The following SLC35F4 variants were observed in gnomAD, a reference collection of about 807,000 sequenced individuals.
The protein encoded by SLC35F4 is solute carrier family 35 member F4.
Under a neutral mutation model 44.2 loss-of-function variants are expected in SLC35F4, and 24 were observed. That is an observed-to-expected ratio of 0.54 (90% CI 0.39 to 0.76). SLC35F4 has a LOEUF of 0.76. SLC35F4 is among the 30% of genes least tolerant of loss of function. The probability of loss-of-function intolerance (pLI) is 0.00; values close to 1 mark genes in which losing one functional copy is unlikely to be tolerated. For synonymous variants in SLC35F4, 238 were observed against 223.6 expected (o/e 1.06, Z -0.57); for missense variants, 562 against 586.1 (o/e 0.96, Z 0.42).
At position 57,945,628 on chromosome 14, in the gene SLC35F4, G is replaced by A. The variant is rs1292846313; in HGVS notation, n.282+36285C>T. Among the ~76,000 whole-genome samples the A allele has an allele frequency of 2.6e-5, 4 of 151,968 alleles. No homozygotes were observed. The East Asian group carries it at 5.8e-4, about 22-fold the overall frequency. On this transcript the variant is annotated intron_variant and non_coding_transcript_variant, in intron 1 of 1. Coordinates refer to the SLC35F4 transcript ENST00000556568. ...CATGTAATGACTTCTTTTCCCCTGGGTAGATACCCAGTAGTGGGATTGCTG... is the reference window on the plus strand; with the variant it reads ...CATGTAATGACTTCTTTTCCCCTGGATAGATACCCAGTAGTGGGATTGCTG...
chr14:57,776,437 C>T (rs767819509), intron 1 of SLC35F4, among the ~76,000 whole-genome samples: 12 of 151,878 alleles, frequency 7.9e-5, no homozygotes, highest in Non-Finnish European at 1.0e-4. Flanking sequence ...TGGGAGGCCA[C>T]GGGCGGATCA....
intron 1 of SLC35F4, among the ~76,000 whole-genome samples, chr14:57,947,485 G>A (rs1890057807): frequency 6.6e-6 from 1 of 152,224 alleles, no homozygotes; most frequent in South Asian, 2.1e-4. Context: ...AACAGCAACA[G>A]TTTGACTTCC....
rs1393353116 is a variant in SLC35F4 at position 57,865,746 on chromosome 14, T to A, written c.80A>T (p.Tyr27Phe). The A allele has an allele frequency of 6.6e-6, 10 of 1,522,846 alleles. No individual in the cohort carries two copies. The highest frequency in any genetic ancestry group is 8.8e-6 in the Non-Finnish European group (10 of 1,141,468). The allele number at this position is 1,522,846 out of a possible 1,614,324, so 94.3% of individuals were successfully genotyped here. The change falls in exon 1 of 8, where the codon TAT becomes TTT. Residue 27 changes from tyrosine to phenylalanine, a missense_variant. By Grantham distance (22) the Tyr-to-Phe change is conservative. Transcript: ENST00000556826. Reference protein sequence around the residue: ...ILRITGYYGYYPGYSSQKSTS... With the variant: ...ILRITGYYGYFPGYSSQKSTS... ...ACTTTTCTGGCTGGAGTAACCTGGA[T>A]AATAGCCATAGTAGCCGGTGATCCG...
intron 1 of SLC35F4, among the ~76,000 whole-genome samples, chr14:57,718,697 T>G (rs1178268167): frequency 1.3e-5 from 2 of 152,186 alleles, no homozygotes; most frequent in African/African-American, 4.8e-5. Context: ...ATTATTAGAT[T>G]TTTTCCTATA....
chr14:57,796,631 T>C (rs1379944649), intron 1 of SLC35F4, among the ~76,000 whole-genome samples: 1 of 152,234 alleles, frequency 6.6e-6, no homozygotes, highest in African/African-American at 2.4e-5. Flanking sequence ...CATTGAATTT[T>C]AGTTCTTCCT....
chr14:57,658,232 A>G (rs1441793409), intron 1 of SLC35F4, among the ~76,000 whole-genome samples: 2 of 152,208 alleles, frequency 1.3e-5, no homozygotes, highest in African/African-American at 4.8e-5. Context: ...TAAACAGAAC[A>G]TTGATACTAT....
chr14:57,868,356 C>A (rs1366527841), upstream of SLC35F4, among the ~76,000 whole-genome samples: 5 of 151,976 alleles, frequency 3.3e-5, no homozygotes. Context: ...GATAAACAGT[C>A]AAAGGTAAAT....
At chr14:57,577,977 G>A (rs1031847749) in intron 4 of SLC35F4, among the ~76,000 whole-genome samples, 1 of 152,108 alleles carries the variant, frequency 6.6e-6, no homozygotes, top group African/African-American at 2.4e-5. Context: ...CTTTCCATCT[G>A]TAATTCAGTG....
intron 1 of SLC35F4, among the ~76,000 whole-genome samples, chr14:57,668,884 G>T (rs1236367965): frequency 3.3e-5 from 5 of 152,092 alleles, no homozygotes; most frequent in Non-Finnish European, 7.3e-5. Flanking sequence ...TTGGTAGCTT[G>T]ATGGGGATGG....
chr14:57,573,186 C>T (rs998727517), intron 4 of SLC35F4, among the ~76,000 whole-genome samples: 10 of 152,246 alleles, frequency 6.6e-5, no homozygotes, highest in Non-Finnish European at 1.3e-4. Context: ...TCGCTTGAGG[C>T]CACTGCAAAG....
intron 1 of SLC35F4, among the ~76,000 whole-genome samples, chr14:57,676,578 T>A (rs1440751494): frequency 6.6e-6 from 1 of 152,046 alleles, no homozygotes; most frequent in Non-Finnish European, 1.5e-5. Context: ...GAACTTAAAA[T>A]TAATTTTTTT....
intron 1 of SLC35F4, among the ~76,000 whole-genome samples, chr14:57,611,770 G>C (rs141450476): frequency 6.6e-6 from 1 of 152,162 alleles, no homozygotes; most frequent in East Asian, 1.9e-4. Context: ...ATGGAGGCAG[G>C]GGTTTGAGAA....
At chr14:57,964,974 GAAAAAAAA>G (rs72495990) in intron 1 of SLC35F4, among the ~76,000 whole-genome samples, 12 of 119,008 alleles carry the variant, frequency 1.0e-4, no homozygotes, top group South Asian at 2.7e-4. Flanking sequence ...TCCCATGGGG[GAAAAAAAA>G]AAAAAAAAAA....
intron 1 of SLC35F4, among the ~76,000 whole-genome samples, chr14:57,846,315 T>C (rs760601104): frequency 6.6e-6 from 1 of 152,184 alleles, no homozygotes; most frequent in Non-Finnish European, 1.5e-5. Flanking sequence ...CCATGAGTCA[T>C]AAACCCAGTG....
intron 1 of SLC35F4, among the ~76,000 whole-genome samples, chr14:57,883,365 C>A (rs185492336): frequency 2.2e-3 from 338 of 152,236 alleles, no homozygotes; most frequent in African/African-American, 7.8e-3. Context: ...ATGAAGAATC[C>A]CTGTGGTAGT....
rs72624718 is a variant in SLC35F4 at position 57,793,777 on chromosome 14, T to C, written c.103+71946A>G. 0.014 allele frequency among the ~76,000 whole-genome samples: 2,073 copies of C among 152,286 alleles called. 250 individuals carry two copies. The East Asian group carries it at 0.31, about 23-fold the overall frequency. On this transcript the variant is annotated intron_variant, in intron 1 of 7. Transcript: ENST00000556826. ...TTGCTGGATTGAATGATAGATTTAC[T>C]TTTGGTTCTTTGAGAAATCTCCATA... is the stretch of plus-strand genomic sequence containing the variant.
At chr14:57,572,133 T>C in intron 4 of SLC35F4, 114 bp from the exon 5 acceptor site, 1 of 1,202,400 alleles carries the variant, frequency 8.3e-7, no homozygotes, top group Non-Finnish European at 1.2e-6. Context: ...AATTACCTTT[T>C]GTACATCACT....
intron 1 of SLC35F4, among the ~76,000 whole-genome samples, chr14:57,598,911 G>A (rs1028916078): frequency 2.1e-5 from 3 of 145,396 alleles, no homozygotes; most frequent in African/African-American, 7.6e-5. Flanking sequence ...GTGTGTGTGT[G>A]TGTATAGAAG....
intron 5 of SLC35F4, among the ~76,000 whole-genome samples, chr14:57,571,264 G>A (rs2068487924): frequency 2.0e-5 from 3 of 152,098 alleles, no homozygotes; most frequent in Non-Finnish European, 4.4e-5. Context: ...CAATGACTCC[G>A]AATAGAATTT....
Sources: allele counts gnomAD v4.1 joint callset (sites outside exome capture counted in the v4.1 genomes callset), GRCh38; gene constraint gnomAD v4.1.1; transcripts MANE v1.5; gene names NCBI Gene and HGNC (gene_info 2026-07-23, HGNC 2026-07-21).